Variants in GABRB1 observed in about 807,000 individuals in gnomAD.
The protein encoded by GABRB1 is gamma-aminobutyric acid type A receptor subunit beta1.
GABRB1 carries 17 observed loss-of-function variants against 51.6 expected under a neutral mutation model. That is an observed-to-expected ratio of 0.33 (90% CI 0.23 to 0.49). The LOEUF is 0.49. Among genes scored for constraint, GABRB1 ranks in the 20% least tolerant of loss-of-function variants. The pLI is 0.99. For synonymous variants in GABRB1, 247 were observed against 218.9 expected, an observed-to-expected ratio of 1.13 and a Z score of -1.14; for missense variants, 410 against 600.6, an observed-to-expected ratio of 0.68 and a Z score of 3.32.
chr4:47,008,733 C>T (rs1042317181), intron 1 of GABRB1, among the ~76,000 whole-genome samples: 2 of 150,078 alleles, frequency 1.3e-5, no homozygotes, highest in African/African-American at 4.9e-5. Context: ...CCGGCCTTGG[C>T]CTCTGAAAGT....
At chr4:47,171,098 C>T (rs565300692) in intron 4 of GABRB1, among the ~76,000 whole-genome samples, 3 of 152,086 alleles carry the variant, frequency 2.0e-5, no homozygotes, top group South Asian at 2.1e-4. Flanking sequence ...GCAGTTATTA[C>T]AGCTATTGTG....
intron 5 of GABRB1, among the ~76,000 whole-genome samples, chr4:47,341,085 G>A (rs1221074642): frequency 2.6e-5 from 4 of 152,092 alleles, no homozygotes; most frequent in Admixed American, 6.6e-5. Context: ...AAACAGAGAA[G>A]GACCCAGCCC....
chr4:47,166,530 A>G (rs1718194588), intron 4 of GABRB1, among the ~76,000 whole-genome samples: 2 of 152,148 alleles, frequency 1.3e-5, no homozygotes, highest in Admixed American at 1.3e-4. Context: ...TATTGTAAAA[A>G]TAAAGACCTA....
At chr4:47,328,194 T>C (rs971569224) in intron 5 of GABRB1, among the ~76,000 whole-genome samples, 7 of 152,292 alleles carry the variant, frequency 4.6e-5, no homozygotes, top group Admixed American at 3.9e-4. Context: ...TTGAGTTCAT[T>C]GTAGATTCTG....
chr4:47,030,240 T>C (rs1163853135), upstream of GABRB1, among the ~76,000 whole-genome samples: 3 of 152,196 alleles, frequency 2.0e-5, no homozygotes, highest in Non-Finnish European at 4.4e-5. Context: ...TGCATATTTT[T>C]CCCCCAGTTA....
intron 1 of GABRB1, among the ~76,000 whole-genome samples, chr4:47,002,583 T>C (rs868748310): frequency 1.1e-4 from 16 of 152,296 alleles, no homozygotes; most frequent in African/African-American, 3.9e-4. Flanking sequence ...ATGTGTTTTT[T>C]TTTCTGTATC....
intron 3 of GABRB1, among the ~76,000 whole-genome samples, chr4:47,071,631 G>A (rs1727339600): frequency 6.7e-6 from 1 of 149,458 alleles, no homozygotes; most frequent in East Asian, 2.0e-4. Context: ...ATATCCACAT[G>A]TACTTATTTT....
intron 4 of GABRB1, among the ~76,000 whole-genome samples, chr4:47,243,201 T>G (rs1359507597): frequency 6.6e-6 from 1 of 152,184 alleles, no homozygotes; most frequent in East Asian, 1.9e-4. Context: ...GTTGTAGATG[T>G]GTGGTATTAT....
intron 4 of GABRB1, among the ~76,000 whole-genome samples, chr4:47,204,798 C>A (rs764818914): frequency 6.6e-6 from 1 of 152,140 alleles, no homozygotes; most frequent in Non-Finnish European, 1.5e-5. Context: ...TCCCCAGCCA[C>A]GTGGAACTGT....
chr4:47,265,736 C>T (rs984441579), intron 4 of GABRB1, among the ~76,000 whole-genome samples: 3 of 151,994 alleles, frequency 2.0e-5, no homozygotes, highest in Non-Finnish European at 4.4e-5. Flanking sequence ...CATTTATATG[C>T]CTTCTTTTGA....
intron 4 of GABRB1, among the ~76,000 whole-genome samples, chr4:47,217,651 A>G (rs887102286): frequency 6.6e-6 from 1 of 151,316 alleles, no homozygotes; most frequent in Admixed American, 6.6e-5. Flanking sequence ...TCCCCAGCTT[A>G]TTTATTTCCT....
At chr4:47,092,165 CTTT>C (rs869057256) in intron 3 of GABRB1, among the ~76,000 whole-genome samples, 1 of 60,508 alleles carries the variant, frequency 1.7e-5, no homozygotes, top group Non-Finnish European at 2.9e-5. Flanking sequence ...TTCTTTCTTT[CTTT>C]TTTTTTTTTT....
At chr4:47,123,158 T>C (rs529551888) in intron 3 of GABRB1, among the ~76,000 whole-genome samples, 1 of 151,484 alleles carries the variant, frequency 6.6e-6, no homozygotes, top group South Asian at 2.1e-4. Context: ...GTATTTATTT[T>C]TTCACTCTTT....
intron 4 of GABRB1, among the ~76,000 whole-genome samples, chr4:47,209,786 C>G (rs964219627): frequency 2.0e-5 from 3 of 149,080 alleles, no homozygotes; most frequent in Non-Finnish European, 4.4e-5. Context: ...CTGATTATAA[C>G]AGGGTACTTT....
chr4:47,233,683 G>A (rs892075612), intron 4 of GABRB1, among the ~76,000 whole-genome samples: 3 of 152,078 alleles, frequency 2.0e-5, no homozygotes, highest in African/African-American at 7.2e-5. Context: ...CATATCACTA[G>A]ACTGTATAAT....
chr4:47,243,005 T>C (rs970523964), intron 4 of GABRB1, among the ~76,000 whole-genome samples: 20 of 152,326 alleles, frequency 1.3e-4, no homozygotes, highest in African/African-American at 4.6e-4. Flanking sequence ...CTTGTAGGGT[T>C]TTTATGGTTT....
At chr4:47,267,805 A>G (rs749848716) in intron 4 of GABRB1, among the ~76,000 whole-genome samples, 13 of 152,166 alleles carry the variant, frequency 8.5e-5, no homozygotes, top group Non-Finnish European at 2.9e-5. Flanking sequence ...CAAAAAAAAT[A>G]AAAAGAGAGA....
At chr4:47,323,590 G>C (rs1252492234) in intron 5 of GABRB1, among the ~76,000 whole-genome samples, 1 of 152,170 alleles carries the variant, frequency 6.6e-6, no homozygotes, top group Non-Finnish European at 1.5e-5. Context: ...TCTAGTGTCA[G>C]TCGGGAAATA....
chr4:47,298,845 A>G (rs868689225), intron 4 of GABRB1, among the ~76,000 whole-genome samples: 37 of 152,152 alleles, frequency 2.4e-4, no homozygotes, highest in Middle Eastern at 6.8e-3. Flanking sequence ...ACTATACTAC[A>G]AGGCTACAGT....
Sources: allele counts gnomAD v4.1 joint callset (sites outside exome capture counted in the v4.1 genomes callset), GRCh38; gene constraint gnomAD v4.1.1; transcripts MANE v1.5; gene names NCBI Gene and HGNC (gene_info 2026-07-23, HGNC 2026-07-21).